CDH12: variants seen among roughly 807,000 people sequenced by gnomAD.
CDH12 encodes cadherin-12.
In CDH12, 41 loss-of-function variants were observed where a neutral mutation model predicts 74.1. The ratio of observed to expected loss-of-function variants is 0.55; its 90% CI spans 0.43 to 0.72. The LOEUF (loss-of-function observed/expected upper bound fraction) is 0.72. Among genes scored for constraint, CDH12 ranks in the 30% least tolerant of loss-of-function variants. The pLI, the probability that CDH12 is intolerant of heterozygous loss-of-function variation, is 0.00. For synonymous variants in CDH12, 399 were observed against 355.0 expected (o/e 1.12, Z -1.39); for missense variants, 945 against 977.2 (o/e 0.97, Z 0.44).
intron 3 of CDH12, among the ~76,000 whole-genome samples, chr5:22,290,480 T>G (rs1179037682): frequency 3.9e-5 from 6 of 152,110 alleles, no homozygotes; most frequent in Admixed American, 3.9e-4. Flanking sequence ...AGAGATGTCC[T>G]GAAGTGAAAA....
intron 2 of CDH12, among the ~76,000 whole-genome samples, chr5:22,429,547 T>A (rs1744080805): frequency 6.6e-6 from 1 of 152,168 alleles, no homozygotes; most frequent in African/African-American, 2.4e-5. Flanking sequence ...CTATGACCCT[T>A]CTTGTTTCCT....
chr5:22,503,541 A>G (rs1481685969), intron 2 of CDH12, among the ~76,000 whole-genome samples: 5 of 152,112 alleles, frequency 3.3e-5, no homozygotes. Flanking sequence ...GAAAATCCTC[A>G]TATTAAAAAG....
intron 1 of CDH12, among the ~76,000 whole-genome samples, chr5:22,653,910 C>T (rs901617761): frequency 1.3e-5 from 2 of 152,202 alleles, no homozygotes; most frequent in African/African-American, 4.8e-5. Context: ...GTGTCATCAT[C>T]TACTAAATAC....
rs188721434 is a variant in CDH12 at position 22,764,733 on chromosome 5, C to T, written c.-523+88325G>A. ...CTCAAAAGGAGAACAACATCACTTC[C>T]GCGGCATTCCTGCGCAAAATGACTA... On this transcript the variant is annotated intron_variant, in intron 1 of 14. Coordinates refer to ENST00000382254, the MANE Select transcript of CDH12 (RefSeq NM_004061.5). 6.9e-4 allele frequency among the ~76,000 whole-genome samples: 105 copies of T among 152,088 alleles called. 1 individual carries two copies. The highest frequency in any genetic ancestry group is 2.4e-3 in the African/African-American group (100 of 41,542).
intron 3 of CDH12, among the ~76,000 whole-genome samples, chr5:22,398,957 G>T (rs1289860727): frequency 1.3e-5 from 2 of 152,006 alleles, no homozygotes; most frequent in Admixed American, 6.6e-5. Flanking sequence ...GCCCTATGAA[G>T]GACTGAGGTA....
At chr5:21,831,419 T>TTA (rs1327696006) in intron 8 of CDH12, among the ~76,000 whole-genome samples, 4 of 152,142 alleles carry the variant, frequency 2.6e-5, no homozygotes, top group Non-Finnish European at 5.9e-5. Context: ...ATATACAATT[T>TTA]TAATGGTGTC....
intron 1 of CDH12, among the ~76,000 whole-genome samples, chr5:22,847,907 C>T (rs980056642): frequency 3.3e-5 from 5 of 150,582 alleles, no homozygotes; most frequent in African/African-American, 7.3e-5. Flanking sequence ...CTTGTGAGAC[C>T]GAGTCTCACT....
chr5:21,754,466 G>T (rs75220888), intron 14 of CDH12, among the ~76,000 whole-genome samples: 5,321 of 152,172 alleles, frequency 0.035, 107 homozygotes, highest in Middle Eastern at 0.071. Context: ...AGATGCCAGG[G>T]ATAATTTATT....
intron 1 of CDH12, among the ~76,000 whole-genome samples, chr5:22,532,179 C>G (rs748240794): frequency 3.1e-4 from 46 of 150,610 alleles, no homozygotes; most frequent in Non-Finnish European, 5.2e-4. Flanking sequence ...GGATGCTCGC[C>G]CTGGCACAGT....
chr5:21,766,334 T>G (rs879511570), intron 11 of CDH12, among the ~76,000 whole-genome samples: 1 of 152,032 alleles, frequency 6.6e-6, no homozygotes, highest in African/African-American at 2.4e-5. Flanking sequence ...TAGTATGTTC[T>G]TATAATACCA....
chr5:22,737,703 T>C (rs1055455057), intron 1 of CDH12, among the ~76,000 whole-genome samples: 1 of 152,050 alleles, frequency 6.6e-6, no homozygotes, highest in South Asian at 2.1e-4. Flanking sequence ...ACAAATATGA[T>C]GTGAAATGGT....
At chr5:22,073,576 T>C (rs1032192987) in intron 5 of CDH12, among the ~76,000 whole-genome samples, 3 of 152,188 alleles carry the variant, frequency 2.0e-5, no homozygotes, top group African/African-American at 7.2e-5. Context: ...AGTTAATTTA[T>C]TTCTTACTGT....
At chr5:21,842,527 C>A (rs978509849) in intron 7 of CDH12, among the ~76,000 whole-genome samples, 199 bp from the exon 8 acceptor site, 4 of 152,024 alleles carry the variant, frequency 2.6e-5, no homozygotes, top group Non-Finnish European at 5.9e-5. Context: ...AGTAGCTACA[C>A]AACAAAATGC....
At chr5:22,426,528 G>A (rs904550151) in intron 2 of CDH12, among the ~76,000 whole-genome samples, 2 of 151,906 alleles carry the variant, frequency 1.3e-5, no homozygotes, top group African/African-American at 2.4e-5. Context: ...AGAACCCCCC[G>A]AATATTCTAG....
At chr5:21,798,663 A>AC (rs113868351) in intron 10 of CDH12, among the ~76,000 whole-genome samples, 5,406 of 152,156 alleles carry the variant, frequency 0.036, 280 homozygotes, top group African/African-American at 0.12. Flanking sequence ...TCTAACCAAG[A>AC]CCCAGACAGC....
chr5:22,321,916 G>C (rs1001484818), intron 3 of CDH12, among the ~76,000 whole-genome samples: 99 of 152,210 alleles, frequency 6.5e-4, no homozygotes, highest in African/African-American at 2.4e-3. Flanking sequence ...TAAAATTTCA[G>C]ACCAAAATCT....
intron 4 of CDH12, among the ~76,000 whole-genome samples, chr5:22,098,125 C>T (rs570680546): frequency 6.6e-6 from 1 of 152,234 alleles, no homozygotes; most frequent in African/African-American, 2.4e-5. Context: ...ACCCTTCATC[C>T]CAGCCTCTCT....
intron 3 of CDH12, among the ~76,000 whole-genome samples, chr5:22,272,452 T>C (rs1264676082): frequency 3.3e-5 from 5 of 152,232 alleles, no homozygotes; most frequent in African/African-American, 2.4e-5. Context: ...TTCACTGAAG[T>C]AGATCTTTTA....
intron 3 of CDH12, among the ~76,000 whole-genome samples, chr5:22,231,821 G>A (rs1434950221): frequency 6.6e-6 from 1 of 151,840 alleles, no homozygotes; most frequent in East Asian, 1.9e-4. Flanking sequence ...CCATCATTAT[G>A]AATGAATTAT....
Sources: allele counts gnomAD v4.1 joint callset (sites outside exome capture counted in the v4.1 genomes callset), GRCh38; gene constraint gnomAD v4.1.1; transcripts MANE v1.5; gene names NCBI Gene and HGNC (gene_info 2026-07-23, HGNC 2026-07-21).